MYO9B: variants seen among roughly 807,000 people sequenced by gnomAD.
The protein encoded by MYO9B is myosin IXB, also known as unconventional myosin-IXb.
MYO9B carries 71 observed loss-of-function variants against 229.5 expected under a neutral mutation model. That is an observed-to-expected ratio of 0.31 (90% CI 0.26 to 0.38). The LOEUF is 0.38. Among genes scored for constraint, MYO9B ranks in the 10% least tolerant of loss-of-function variants. The pLI is 1.00. For synonymous variants in MYO9B, 1,185 were observed against 1,235.8 expected (o/e 0.96, Z 0.86); for missense variants, 2,255 against 2,920.5 (o/e 0.77, Z 5.25).
chr19:17,121,229 C>T (rs1356642214), intron 2 of MYO9B, among the ~76,000 whole-genome samples: 1 of 152,164 alleles, frequency 6.6e-6, no homozygotes, highest in Non-Finnish European at 1.5e-5. Flanking sequence ...AGACGTCAGC[C>T]ACGGCGCCTG....
intron 2 of MYO9B, among the ~76,000 whole-genome samples, chr19:17,132,090 A>T (rs1314739049): frequency 6.7e-6 from 1 of 150,306 alleles, no homozygotes; most frequent in Non-Finnish European, 1.5e-5. Context: ...CTGCTCTTGA[A>T]CTTCCTGGGC....
In MYO9B at chr19:17,172,564, C is replaced by A; in HGVS notation, c.1935+87C>A. 1.3e-6 allele frequency: 2 copies of A among 1,552,088 alleles called. No individual in the cohort carries two copies. ...CCATGTGGGAGGATCCTCCTGTGGG[C>A]GAGGTTCCAGGGTGCTCAGAACCCA... On this transcript the variant is annotated intron_variant, in intron 12 of 39. Transcript: ENST00000682292. The surrounding 1 kb of genome is among the most constrained non-coding windows in gnomAD (Gnocchi z 8.2).
chr19:17,144,085 G>A (rs749626968), intron 2 of MYO9B, among the ~76,000 whole-genome samples: 2 of 151,894 alleles, frequency 1.3e-5, no homozygotes, highest in Non-Finnish European at 2.9e-5. Context: ...GCATGGTGGT[G>A]CATGCCTGTG....
intron 2 of MYO9B, among the ~76,000 whole-genome samples, chr19:17,107,539 A>G (rs550304549): frequency 3.3e-5 from 5 of 152,198 alleles, no homozygotes; most frequent in East Asian, 1.9e-4. Context: ...GGAGTCTCCA[A>G]CAACAGGGAT....
At chr19:17,210,096 G>A (rs2073208962) in intron 36 of MYO9B, among the ~76,000 whole-genome samples, 2 of 152,174 alleles carry the variant, frequency 1.3e-5, no homozygotes, top group African/African-American at 2.4e-5. Flanking sequence ...GCTTGCTGGT[G>A]GTTCAGGTCA....
intron 2 of MYO9B, among the ~76,000 whole-genome samples, chr19:17,127,669 T>C (rs2072141799): frequency 6.6e-6 from 1 of 152,180 alleles, no homozygotes; most frequent in Admixed American, 6.6e-5. Context: ...CCCTAGAACG[T>C]AGGCTGTACA....
At chr19:17,156,707 A>G (rs1253797629) in intron 6 of MYO9B, among the ~76,000 whole-genome samples, 2 of 152,236 alleles carry the variant, frequency 1.3e-5, no homozygotes, top group Non-Finnish European at 2.9e-5. Flanking sequence ...ACAGAGCCAG[A>G]TCAAATCCAG....
intron 32 of MYO9B, 23 bp from the exon 33 acceptor site, chr19:17,206,225 G>GGGGGGGGGGCCCCCCCC: frequency 6.4e-7 from 1 of 1,564,670 alleles, no homozygotes; most frequent in Non-Finnish European, 8.7e-7. Context: ...CCGCTCACCA[G>GGGGGGGGGGCCCCCCCC]ACCCACCCCA....
intron 15 of MYO9B, chr19:17,183,609 C>T (rs986154754): frequency 1.5e-4 from 80 of 551,588 alleles, no homozygotes; most frequent in Non-Finnish European, 2.2e-4. Flanking sequence ...GTCCGGGTGC[C>T]GCCAACCCAG....
At chr19:17,176,824 G>A (rs568410199) in intron 14 of MYO9B, among the ~76,000 whole-genome samples, 1 of 152,320 alleles carries the variant, frequency 6.6e-6, no homozygotes, top group East Asian at 1.9e-4. Flanking sequence ...TTGCACATGA[G>A]ATGACACGGG....
chr19:17,140,994 C>T (rs151321983), intron 2 of MYO9B, among the ~76,000 whole-genome samples: 4,264 of 151,636 alleles, frequency 0.028, 99 homozygotes, highest in Middle Eastern at 0.072. Context: ...ATCCCAGCTA[C>T]TCAGGAGGCT....
At position 17,178,698 on chromosome 19, in the gene MYO9B, G is replaced by A. The variant is rs377349603; in HGVS notation, c.2220-2229G>A. On this transcript the variant is annotated intron_variant, in intron 14 of 39. Coordinates refer to ENST00000682292, the MANE Select transcript of MYO9B (RefSeq NM_004145.4). ...CCACAGCCATCAAACAAAATGAAGCGAGTAAGGTTGAGTGCTTTGAGGGTA... is the reference window on the plus strand; with the variant it reads ...CCACAGCCATCAAACAAAATGAAGCAAGTAAGGTTGAGTGCTTTGAGGGTA... Among the ~76,000 whole-genome samples, 28 of 152,224 alleles carry A rather than the reference G, an allele frequency of 1.8e-4. No homozygotes were observed. In the East Asian group the frequency reaches 2.7e-3, roughly 15 times the overall value.
intron 10 of MYO9B, among the ~76,000 whole-genome samples, chr19:17,166,263 GAACTCCT>G (rs989839983): frequency 6.6e-6 from 1 of 152,096 alleles, no homozygotes; most frequent in Non-Finnish European, 1.5e-5. Context: ...GGTTGGTCTT[GAACTCCT>G]AACTTCAGGT....
rs767622860 is a variant in MYO9B at position 17,101,748 on chromosome 19, C to T, written c.31C>T (p.Arg11Cys). ...TGTGAAAGAGGCAGGCAGCTCGGGC[C>T]GCCGGGAGCAGGCGGCCTACCACCT... MSVKEAGSSGRREQAAYHLHI... is the reference protein window; with the variant it reads MSVKEAGSSGCREQAAYHLHI... Residue 11 changes from arginine (R) to cysteine (C), a missense_variant, in exon 2 of 40, where the codon CGC (arginine) becomes TGC (cysteine). Physicochemically the swap from Arg to Cys is radical, Grantham distance 180. This residue lies in a region of MYO9B where 386 missense variants were observed against 515.2 expected (regional missense o/e 0.75). Coordinates refer to ENST00000682292, the MANE Select transcript of MYO9B (RefSeq NM_004145.4). The surrounding 1 kb of genome is among the most constrained non-coding windows in gnomAD (Gnocchi z 4.7). 2.3e-5 allele frequency: 36 copies of T among 1,591,228 alleles called. No individual in the cohort carries two copies. The South Asian group carries it at 2.8e-4, about 12-fold the overall frequency.
chr19:17,079,659 C>G (rs955072466), intron 1 of MYO9B, among the ~76,000 whole-genome samples: 1 of 152,134 alleles, frequency 6.6e-6, no homozygotes, highest in Non-Finnish European at 1.5e-5. Flanking sequence ...TTGGCCCCCT[C>G]CTTGACCGTG....
chr19:17,084,709 CAA>C (rs903470342), intron 1 of MYO9B, among the ~76,000 whole-genome samples: 21 of 81,188 alleles, frequency 2.6e-4, no homozygotes, highest in East Asian at 3.6e-4. Context: ...ACTAAAAATA[CAA>C]AAAAAAAAAA....
chr19:17,139,871 G>A (rs897918312), intron 2 of MYO9B, among the ~76,000 whole-genome samples: 5 of 151,988 alleles, frequency 3.3e-5, no homozygotes, highest in African/African-American at 9.7e-5. Flanking sequence ...GAGAAACCCC[G>A]TCTCTACTAA....
intron 2 of MYO9B, among the ~76,000 whole-genome samples, chr19:17,126,928 C>CA (rs1466434335): frequency 8.7e-6 from 1 of 114,436 alleles, no homozygotes; most frequent in African/African-American, 3.1e-5. Flanking sequence ...CCCCCACCCC[C>CA]CACCCCCGGC....
At chr19:17,185,811 A>G (rs1427203457) in intron 17 of MYO9B, 110 bp from the exon 18 acceptor site, 19 of 823,716 alleles carry the variant, frequency 2.3e-5, no homozygotes, top group Admixed American at 1.6e-4. Context: ...ACATCTGTGC[A>G]GACCCCATCC....
Sources: allele counts gnomAD v4.1 joint callset (sites outside exome capture counted in the v4.1 genomes callset), GRCh38; gene constraint gnomAD v4.1.1; regional missense constraint gnomAD v4.1.1; non-coding constraint Gnocchi (gnomAD v3.1); transcripts MANE v1.5; gene names NCBI Gene and HGNC (gene_info 2026-07-23, HGNC 2026-07-21).